LDB2: variants seen among roughly 807,000 people sequenced by gnomAD.
LDB2 encodes the protein LIM domain-binding protein 2.
A neutral mutation model predicts 44.3 loss-of-function variants in LDB2; 12 were observed. The observed-to-expected ratio is 0.27, with a 90% CI of 0.17 to 0.44. The LOEUF (loss-of-function observed/expected upper bound fraction) is 0.44. LDB2 is among the 20% of genes least tolerant of loss of function. LDB2 has a pLI of 1.00. For missense variants in LDB2, 344 were observed against 473.5 expected (o/e 0.73, Z 2.54); for synonymous variants, 164 against 174.8 (o/e 0.94, Z 0.49).
In LDB2 at chr4:16,765,049, C is replaced by A. The variant is rs76592330; in HGVS notation, c.133-5789G>T. Among the ~76,000 whole-genome samples, 667 of 152,304 alleles carry A rather than the reference C, an allele frequency of 4.4e-3. 10 individuals are homozygous for A. The highest frequency in any genetic ancestry group is 0.015 in the African/African-American group (616 of 41,558). ...CTTTGCCCAAAAGATAAAGATCAAC[C>A]TTTTGGGACTTCCAAGTAAATGGTA... On this transcript the variant is annotated intron_variant, in intron 1 of 7. Coordinates refer to ENST00000304523, the MANE Select transcript of LDB2 (RefSeq NM_001290.5).
At chr4:16,506,635 C>T (rs1456634404) in intron 7 of LDB2, 2 of 152,208 alleles carry the variant, frequency 1.3e-5, no homozygotes, top group African/African-American at 2.4e-5. Context: ...CCCACCAAAC[C>T]CAGACTAGAC....
chr4:16,683,865 C>T (rs1388744776), intron 2 of LDB2, among the ~76,000 whole-genome samples: 1 of 152,166 alleles, frequency 6.6e-6, no homozygotes, highest in Non-Finnish European at 1.5e-5. Context: ...TCCTGTGGCC[C>T]CATCACCTGC....
chr4:16,689,299 C>T (rs1750014252), intron 2 of LDB2, among the ~76,000 whole-genome samples: 2 of 152,210 alleles, frequency 1.3e-5, no homozygotes, highest in Non-Finnish European at 2.9e-5. Flanking sequence ...CTGCCAGTTC[C>T]TACCCTTGCC....
chr4:16,709,909 C>A (rs1469511747), intron 2 of LDB2, among the ~76,000 whole-genome samples: 1 of 152,134 alleles, frequency 6.6e-6, no homozygotes, highest in African/African-American at 2.4e-5. Flanking sequence ...CATCCATACA[C>A]CCCTAGAGAT....
chr4:16,547,125 A>G (rs1463292876), intron 5 of LDB2, among the ~76,000 whole-genome samples: 2 of 152,218 alleles, frequency 1.3e-5, no homozygotes, highest in African/African-American at 4.8e-5. Flanking sequence ...ATCCAATGAC[A>G]GATGCTCTTA....
At chr4:16,782,181 G>A (rs1237070897) in intron 1 of LDB2, among the ~76,000 whole-genome samples, 6 of 152,120 alleles carry the variant, frequency 3.9e-5, no homozygotes, top group African/African-American at 1.4e-4. Flanking sequence ...TTCGTACCAT[G>A]ACGTGCTCAT....
chr4:16,781,665 T>G (rs1330793374), intron 1 of LDB2, among the ~76,000 whole-genome samples: 1 of 152,006 alleles, frequency 6.6e-6, no homozygotes, highest in East Asian at 1.9e-4. Context: ...AGAATAAGAG[T>G]AAGGTGTAGC....
intron 1 of LDB2, among the ~76,000 whole-genome samples, chr4:16,804,067 T>C (rs1289112466): frequency 6.6e-6 from 1 of 152,130 alleles, no homozygotes; most frequent in South Asian, 2.1e-4. Flanking sequence ...CTGAAGAAAG[T>C]TTAGAGAAAG....
intron 2 of LDB2, among the ~76,000 whole-genome samples, chr4:16,607,567 G>A (rs2152458733): frequency 6.6e-6 from 1 of 152,296 alleles, no homozygotes; most frequent in South Asian, 2.1e-4. Context: ...CTGCTTCAGT[G>A]GGCAGTTGCA....
intron 5 of LDB2, among the ~76,000 whole-genome samples, chr4:16,517,825 A>G (rs537655676): frequency 9.2e-5 from 14 of 152,238 alleles, no homozygotes; most frequent in African/African-American, 3.1e-4. Context: ...TCTGGCCCCA[A>G]CACTGACCCT....
chr4:16,781,481 G>T (rs939925247), intron 1 of LDB2, among the ~76,000 whole-genome samples: 2 of 152,054 alleles, frequency 1.3e-5, no homozygotes, highest in African/African-American at 4.8e-5. Context: ...ACAGTGAGGA[G>T]GATTACCAGC....
chr4:16,838,909 T>G (rs1785370721), intron 1 of LDB2, among the ~76,000 whole-genome samples: 1 of 152,194 alleles, frequency 6.6e-6, no homozygotes, highest in Non-Finnish European at 1.5e-5. Flanking sequence ...TTTGCCTTTG[T>G]TTTTTAAGCT....
intron 2 of LDB2, among the ~76,000 whole-genome samples, chr4:16,638,417 C>T (rs116345745): frequency 0.013 from 1,935 of 152,206 alleles, 22 homozygotes; most frequent in South Asian, 0.033. Flanking sequence ...AATGAACGTA[C>T]GAATAGAGCT....
In LDB2 at chr4:16,812,026, T is replaced by A. The variant is rs553896204; in HGVS notation, c.133-52766A>T. Among the ~76,000 whole-genome samples, 6 of 152,362 alleles carry A rather than the reference T, an allele frequency of 3.9e-5. No individual in the cohort carries two copies. In the South Asian group the frequency reaches 1.2e-3, roughly 32 times the overall value. The stretch of plus-strand genomic sequence containing the variant: ...CTATTTGGCTACAGGGAAATTTACA[T>A]TTATCACAAATAAGATATCTTGCAC... On this transcript the variant is annotated intron_variant, in intron 1 of 7. Coordinates refer to ENST00000304523, the MANE Select transcript of LDB2 (RefSeq NM_001290.5).
chr4:16,613,472 T>G (rs1156924331), intron 2 of LDB2, among the ~76,000 whole-genome samples: 1 of 152,190 alleles, frequency 6.6e-6, no homozygotes, highest in Non-Finnish European at 1.5e-5. Context: ...TCATCCAACA[T>G]ATGTTTATTT....
At chr4:16,693,800 T>G (rs1751452560) in intron 2 of LDB2, among the ~76,000 whole-genome samples, 1 of 152,200 alleles carries the variant, frequency 6.6e-6, no homozygotes, top group South Asian at 2.1e-4. Flanking sequence ...TTCTTTCTGC[T>G]GAGGCACATG....
chr4:16,839,427 C>T lies in LDB2; in HGVS notation c.132+58927G>A, dbSNP rs74341291. 2.1e-3 allele frequency among the ~76,000 whole-genome samples: 321 copies of T among 152,280 alleles called. 5 individuals are homozygous for T. In the East Asian group the frequency reaches 0.038, roughly 18 times the overall value. On this transcript the variant is annotated intron_variant, in intron 1 of 7. Coordinates refer to ENST00000304523, the MANE Select transcript of LDB2 (RefSeq NM_001290.5). ...GACAATTCACAAACTCCCCATTAATCTGTTCATGAGGGATCCACCTCCATG... is the reference window on the plus strand; with the variant it reads ...GACAATTCACAAACTCCCCATTAATTTGTTCATGAGGGATCCACCTCCATG...
chr4:16,816,407 C>CTTTTTTTTTT (rs1171864969), intron 1 of LDB2, among the ~76,000 whole-genome samples: 40 of 120,984 alleles, frequency 3.3e-4, no homozygotes, highest in African/African-American at 5.5e-4. Flanking sequence ...CTTTTTCTTT[C>CTTTTTTTTTT]TTTTTTTTTT....
chr4:16,701,723 G>A (rs148236298), intron 2 of LDB2, among the ~76,000 whole-genome samples: 54 of 152,332 alleles, frequency 3.5e-4, no homozygotes, highest in Non-Finnish European at 5.6e-4. Flanking sequence ...GGCTTGTGGC[G>A]TTCAGGCTGG....
Sources: gnomAD v4.1 joint callset for allele counts (sites outside exome capture counted in the v4.1 genomes callset) on GRCh38, gnomAD v4.1.1 for gene constraint, MANE v1.5 for transcripts, NCBI Gene and HGNC (gene_info 2026-07-23, HGNC 2026-07-21) for gene names.